Variants in POU6F2 observed in about 807,000 individuals in gnomAD.
POU6F2 encodes POU domain, class 6, transcription factor 2.
In POU6F2, 31 loss-of-function variants were observed where a neutral mutation model predicts 71.3. The observed-to-expected ratio is 0.43, with a 90% CI of 0.33 to 0.59. POU6F2 has a LOEUF of 0.59. POU6F2 is among the 20% of genes least tolerant of loss of function. The pLI, the probability that POU6F2 is intolerant of heterozygous loss-of-function variation, is 0.04. For missense variants in POU6F2, 783 were observed against 856.8 expected (o/e 0.91, Z 1.07); for synonymous variants, 347 against 355.7 (o/e 0.98, Z 0.27).
At chr7:39,305,770 G>A (rs1320598757) in intron 4 of POU6F2, among the ~76,000 whole-genome samples, 1 of 152,194 alleles carries the variant, frequency 6.6e-6, no homozygotes, top group Non-Finnish European at 1.5e-5. Context: ...ATGGTAAACA[G>A]GCCTTTGCTA....
chr7:39,357,260 T>A (rs1169183748), intron 5 of POU6F2, among the ~76,000 whole-genome samples: 1 of 152,134 alleles, frequency 6.6e-6, no homozygotes, highest in Non-Finnish European at 1.5e-5. Flanking sequence ...ACACATGGAA[T>A]CTCCCAGTAT....
intron 2 of POU6F2, among the ~76,000 whole-genome samples, chr7:39,104,108 G>T (rs773647239): frequency 3.0e-4 from 46 of 152,332 alleles, no homozygotes; most frequent in Non-Finnish European, 3.4e-4. Flanking sequence ...TGCTTAGCCT[G>T]AGACACGGTG....
chr7:39,353,970 C>T (rs1454408575), intron 5 of POU6F2, among the ~76,000 whole-genome samples: 4 of 152,176 alleles, frequency 2.6e-5, no homozygotes, highest in Non-Finnish European at 5.9e-5. Flanking sequence ...CAGTGAGTTA[C>T]ATCGGCCCAG....
intron 5 of POU6F2, among the ~76,000 whole-genome samples, chr7:39,402,781 A>G (rs1241311361): frequency 6.6e-6 from 1 of 152,198 alleles, no homozygotes; most frequent in Admixed American, 6.5e-5. Flanking sequence ...TTTATAAGAA[A>G]AAAAAGTAAA....
intron 4 of POU6F2, among the ~76,000 whole-genome samples, chr7:39,328,071 C>T (rs1785552919): frequency 1.3e-5 from 2 of 152,156 alleles, no homozygotes; most frequent in Admixed American, 1.3e-4. Flanking sequence ...CAGGTGCACA[C>T]CACCACACCC....
At chr7:39,404,586 A>G (rs1206401116) in intron 5 of POU6F2, 1 of 152,244 alleles carries the variant, frequency 6.6e-6, no homozygotes, top group African/African-American at 2.4e-5. Context: ...CCAACTGAAC[A>G]TAATTTAATC....
intron 4 of POU6F2, among the ~76,000 whole-genome samples, chr7:39,258,647 C>T (rs1784070758): frequency 6.6e-6 from 1 of 151,482 alleles, no homozygotes; most frequent in African/African-American, 2.4e-5. Flanking sequence ...GTAAAATTCA[C>T]CAATAGCCAC....
chr7:39,314,740 G>A (rs1170439278), intron 4 of POU6F2, among the ~76,000 whole-genome samples: 1 of 151,994 alleles, frequency 6.6e-6, no homozygotes, highest in Non-Finnish European at 1.5e-5. Flanking sequence ...TGATTCTAAA[G>A]GATACATGAA....
chr7:39,013,813 T>TA (rs1186392759), intron 1 of POU6F2, among the ~76,000 whole-genome samples: 3 of 152,198 alleles, frequency 2.0e-5, no homozygotes, highest in African/African-American at 7.2e-5. Flanking sequence ...TAATATGTCA[T>TA]CTTTCCAACA....
At chr7:39,437,862 C>T (rs1788286539) in intron 7 of POU6F2, among the ~76,000 whole-genome samples, 1 of 151,958 alleles carries the variant, frequency 6.6e-6, no homozygotes, top group African/African-American at 2.4e-5. Flanking sequence ...TTGATTTCTG[C>T]CTTAATTTCC....
At chr7:39,111,127 T>C (rs887381130) in intron 2 of POU6F2, among the ~76,000 whole-genome samples, 1 of 152,194 alleles carries the variant, frequency 6.6e-6, no homozygotes, top group Non-Finnish European at 1.5e-5. Flanking sequence ...TGTTAAACAA[T>C]TACCACTACA....
chr7:39,061,559 T>A (rs1790657122), intron 1 of POU6F2, among the ~76,000 whole-genome samples: 1 of 152,236 alleles, frequency 6.6e-6, no homozygotes, highest in East Asian at 1.9e-4. Flanking sequence ...ATTGGTTCAC[T>A]GTGTTTTATA....
rs536416516 is a variant in POU6F2 at position 39,178,996 on chromosome 7, T to A, written c.278-25239T>A. Among the ~76,000 whole-genome samples, 93 of 152,310 alleles carry A rather than the reference T, an allele frequency of 6.1e-4. 1 individual carries two copies. The highest frequency in any genetic ancestry group is 2.0e-3 in the African/African-American group (85 of 41,562). On this transcript the variant is annotated intron_variant, in intron 2 of 9. Transcript: ENST00000518318. ...AAGGGATGAGACGTGACGGTTTTTT[T>A]AATCAGCTATAGGTTCTGCTCTGGA...
chr7:39,034,375 G>C (rs1437483662), intron 1 of POU6F2: 2 of 291,340 alleles, frequency 6.9e-6, no homozygotes, highest in South Asian at 2.8e-5. Context: ...TTGCATGCAA[G>C]AGTAGGAGAG....
chr7:39,150,225 C>CTGTGTGTGTATGTGTGTG, intron 2 of POU6F2, among the ~76,000 whole-genome samples: 1 of 141,244 alleles, frequency 7.1e-6, no homozygotes, highest in African/African-American at 2.7e-5. Flanking sequence ...AGTAATATGT[C>CTGTGTGTGTATGTGTGTG]TGTGTGTGTG....
intron 7 of POU6F2, among the ~76,000 whole-genome samples, chr7:39,439,211 G>A (rs1352851282): frequency 6.6e-6 from 1 of 151,396 alleles, no homozygotes; most frequent in Admixed American, 6.6e-5. Context: ...CATTTGCTTG[G>A]TAAATTTTCT....
At chr7:39,112,538 C>T (rs1453868709) in intron 2 of POU6F2, among the ~76,000 whole-genome samples, 1 of 152,102 alleles carries the variant, frequency 6.6e-6, no homozygotes, top group Non-Finnish European at 1.5e-5. Context: ...TTCAAAACTG[C>T]TGTTTAAACT....
intron 1 of POU6F2, among the ~76,000 whole-genome samples, chr7:39,047,587 G>T (rs955256515): frequency 1.3e-5 from 2 of 151,694 alleles, no homozygotes; most frequent in African/African-American, 4.8e-5. Flanking sequence ...GAAGGCGTGT[G>T]GTGTGTATGT....
intron 5 of POU6F2, among the ~76,000 whole-genome samples, chr7:39,361,899 G>A (rs1349849472): frequency 6.6e-6 from 1 of 152,188 alleles, no homozygotes; most frequent in Non-Finnish European, 1.5e-5. Context: ...AGTGGGTTAG[G>A]CAAGGGGGAA....
Sources: allele counts gnomAD v4.1 joint callset (sites outside exome capture counted in the v4.1 genomes callset), GRCh38; gene constraint gnomAD v4.1.1; transcripts MANE v1.5; gene names NCBI Gene and HGNC (gene_info 2026-07-23, HGNC 2026-07-21).